Variants in ACVR1C observed in about 807,000 individuals in gnomAD.
The protein encoded by ACVR1C is activin A receptor type 1C.
In ACVR1C, 23 loss-of-function variants were observed where a neutral mutation model predicts 57.9. That is an observed-to-expected ratio of 0.40 (90% confidence interval 0.29 to 0.56). The LOEUF (loss-of-function observed/expected upper bound fraction) is 0.56. Ranked by LOEUF, ACVR1C falls within the 20% of genes least tolerant of loss-of-function variation. The pLI is 0.50. For synonymous variants in ACVR1C, 214 were observed against 215.3 expected (o/e 0.99, Z 0.05); for missense variants, 480 against 607.9 (o/e 0.79, Z 2.21).
intron 1 of ACVR1C, among the ~76,000 whole-genome samples, chr2:157,601,168 T>A (rs943594973): frequency 6.6e-6 from 1 of 151,652 alleles, no homozygotes; most frequent in African/African-American, 2.4e-5. Context: ...AAATACAAAA[T>A]TAGCCAGGCT....
intron 1 of ACVR1C, among the ~76,000 whole-genome samples, chr2:157,588,848 CATATATATATAT>C (rs71402394): frequency 2.5e-4 from 22 of 89,086 alleles, no homozygotes; most frequent in African/African-American, 8.1e-4. Flanking sequence ...ACAAACACAC[CATATATATATAT>C]ATATATATAT....
At chr2:157,609,496 G>A (rs1256338373) in intron 1 of ACVR1C, among the ~76,000 whole-genome samples, 4 of 151,958 alleles carry the variant, frequency 2.6e-5, no homozygotes, top group Non-Finnish European at 4.4e-5. Flanking sequence ...TTGGTCTAAG[G>A]TGCAGTTTAA....
chr2:157,580,833 A>C (rs749208774), intron 2 of ACVR1C, among the ~76,000 whole-genome samples: 1 of 152,212 alleles, frequency 6.6e-6, no homozygotes, highest in Non-Finnish European at 1.5e-5. Flanking sequence ...CGATTCTTGC[A>C]TAAATCAGAC....
chr2:157,618,419 G>A (rs1337576374), intron 1 of ACVR1C, among the ~76,000 whole-genome samples: 1 of 151,518 alleles, frequency 6.6e-6, no homozygotes, highest in East Asian at 1.9e-4. Flanking sequence ...AAAATAAGAT[G>A]ACAGATTTAT....
Position 157,541,160 on chromosome 2 carries a change from G to A in ACVR1C, c.1155C>T (p.Ser385=). 6.2e-7 allele frequency: 1 copy of A among 1,613,946 alleles called. No individual in the cohort carries two copies. The highest frequency in any genetic ancestry group is 8.5e-7 in the Non-Finnish European group (1 of 1,179,920). ...DDTMNVNIFE[S]FKRADIYSVG... ...CAGAATAGATGTCAGCTCGTTTGAA[G>A]GACTCAAAGATATTCACATTCATTG... is the stretch of plus-strand genomic sequence containing the variant. The change falls in exon 7 of 9, where the codon TCC becomes TCT. Residue 385 remains serine (S), a synonymous_variant. Coordinates refer to ENST00000243349, the MANE Select transcript of ACVR1C (RefSeq NM_145259.3).
intron 1 of ACVR1C, among the ~76,000 whole-genome samples, chr2:157,613,499 T>C (rs1682577097): frequency 6.6e-6 from 1 of 152,220 alleles, no homozygotes; most frequent in African/African-American, 2.4e-5. Flanking sequence ...TCTGCAGATG[T>C]GAAACCCACA....
chr2:157,541,080 A>G lies in ACVR1C; in HGVS notation c.1225+10T>C, dbSNP rs759775392. 6.2e-7 allele frequency: 1 copy of G among 1,609,470 alleles called. No individual in the cohort carries two copies. The highest frequency in any genetic ancestry group is 8.5e-7 in the Non-Finnish European group (1 of 1,178,794). The stretch of plus-strand genomic sequence containing the variant: ...AAAGGCAAACACAAAGGATATTTCC[A>G]AAATTTTACCTCCGACTGAACACCT... On this transcript the variant is annotated intron_variant, in intron 7 of 8. Coordinates refer to ENST00000243349, the MANE Select transcript of ACVR1C (RefSeq NM_145259.3).
intron 2 of ACVR1C, among the ~76,000 whole-genome samples, chr2:157,572,817 AG>A (rs1217781327): frequency 6.6e-6 from 1 of 152,082 alleles, no homozygotes; most frequent in Non-Finnish European, 1.5e-5. Context: ...CTTTCATTTT[AG>A]GGGGGAAAAA....
intron 2 of ACVR1C, among the ~76,000 whole-genome samples, chr2:157,562,722 A>G (rs1049949022): frequency 6.6e-6 from 1 of 152,126 alleles, no homozygotes; most frequent in Non-Finnish European, 1.5e-5. Flanking sequence ...AAAATCCTCA[A>G]TAAAATACTG....
At chr2:157,578,595 C>T (rs1342060771) in intron 2 of ACVR1C, among the ~76,000 whole-genome samples, 1 of 152,104 alleles carries the variant, frequency 6.6e-6, no homozygotes, top group East Asian at 1.9e-4. Flanking sequence ...CCTGAAGTAC[C>T]TCCTTCAGAA....
chr2:157,555,101 C>CTTTTTTTTTTTTTTTTTT (rs60269781), intron 3 of ACVR1C, among the ~76,000 whole-genome samples: 9 of 83,946 alleles, frequency 1.1e-4, no homozygotes, highest in African/African-American at 4.7e-4. Context: ...ACTTTGAACG[C>CTTTTTTTTTTTTTTTTTT]TTTTTTTTTT....
chr2:157,538,261 C>A (rs1260093059), intron 8 of ACVR1C, among the ~76,000 whole-genome samples: 1 of 152,182 alleles, frequency 6.6e-6, no homozygotes, highest in Non-Finnish European at 1.5e-5. Context: ...AGGATCAGAT[C>A]AGAGTGATTA....
chr2:157,577,101 C>T (rs548310375), intron 2 of ACVR1C, among the ~76,000 whole-genome samples: 1 of 42,878 alleles, frequency 2.3e-5, no homozygotes, highest in East Asian at 4.2e-4. Flanking sequence ...ATGATCCACC[C>T]GCCTCGGCCT....
chr2:157,575,160 CTT>C (rs993012593), intron 2 of ACVR1C, among the ~76,000 whole-genome samples: 4 of 146,976 alleles, frequency 2.7e-5, no homozygotes, highest in African/African-American at 1.0e-4. Flanking sequence ...CGGAGTTTTG[CTT>C]TTGTCACCTA....
intron 1 of ACVR1C, among the ~76,000 whole-genome samples, chr2:157,592,341 G>A (rs1689067871): frequency 6.6e-6 from 1 of 152,014 alleles, no homozygotes. Context: ...CTCACTGAAT[G>A]TTTCACAAGC....
intron 3 of ACVR1C, among the ~76,000 whole-genome samples, chr2:157,552,333 A>T (rs1444601265): frequency 6.6e-6 from 1 of 152,166 alleles, no homozygotes; most frequent in Non-Finnish European, 1.5e-5. Context: ...AGGTTTCACC[A>T]TGTTGGCCAG....
At chr2:157,598,610 G>A (rs1401032507) in intron 1 of ACVR1C, among the ~76,000 whole-genome samples, 1 of 151,216 alleles carries the variant, frequency 6.6e-6, no homozygotes, top group Non-Finnish European at 1.5e-5. Flanking sequence ...CACAACCTCG[G>A]CTCACTGCAA....
chr2:157,544,937 G>A (rs1001597671), intron 4 of ACVR1C, among the ~76,000 whole-genome samples: 1 of 152,154 alleles, frequency 6.6e-6, no homozygotes, highest in Admixed American at 6.5e-5. Flanking sequence ...AGAAACCACT[G>A]AGAGATGCAT....
At chr2:157,549,838 A>C (rs1485558513) in intron 4 of ACVR1C, among the ~76,000 whole-genome samples, 1 of 149,022 alleles carries the variant, frequency 6.7e-6, no homozygotes, top group African/African-American at 2.5e-5. Flanking sequence ...ACAAAAAAAA[A>C]AAAAAAAAAA....
Sources: gnomAD v4.1 joint callset for allele counts (sites outside exome capture counted in the v4.1 genomes callset) on GRCh38, gnomAD v4.1.1 for gene constraint, MANE v1.5 for transcripts, NCBI Gene and HGNC (gene_info 2026-07-23, HGNC 2026-07-21) for gene names.